The following TGFBRAP1 variants were observed in gnomAD, a reference collection of about 807,000 sequenced individuals.
TGFBRAP1 encodes transforming growth factor-beta receptor-associated protein 1.
Under a neutral mutation model 83.2 loss-of-function variants are expected in TGFBRAP1, and 20 were observed. The observed-to-expected ratio is 0.24, with a 90% CI of 0.17 to 0.35. The LOEUF (loss-of-function observed/expected upper bound fraction) is 0.35, where lower values mean the gene tolerates loss of function less well. Among genes scored for constraint, TGFBRAP1 ranks in the 10% least tolerant of loss-of-function variants. TGFBRAP1 has a pLI of 1.00. For synonymous variants in TGFBRAP1, 415 were observed against 459.8 expected, an observed-to-expected ratio of 0.90 and a Z score of 1.25; for missense variants, 950 against 1,099.4, an observed-to-expected ratio of 0.86 and a Z score of 1.92.
chr2:105,262,784 T>C (rs1311982493), downstream of TGFBRAP1, among the ~76,000 whole-genome samples: 1 of 152,232 alleles, frequency 6.6e-6, no homozygotes, highest in Non-Finnish European at 1.5e-5. Flanking sequence ...GAATGATAGC[T>C]ATTTGTTTCC....
At chr2:105,290,563 A>T (rs1677868257) in intron 4 of TGFBRAP1, among the ~76,000 whole-genome samples, 1 of 151,600 alleles carries the variant, frequency 6.6e-6, no homozygotes, top group African/African-American at 2.4e-5. Context: ...GGATGTGTAT[A>T]TGAGAGAAAG....
intron 10 of TGFBRAP1, 73 bp downstream of exon 10, chr2:105,272,782 C>T (rs947003673): frequency 6.3e-7 from 1 of 1,578,198 alleles, no homozygotes; most frequent in Non-Finnish European, 8.6e-7. Flanking sequence ...TGCCAAAGCC[C>T]TTCTCTCTGC....
chr2:105,295,535 G>A (rs1209757139), intron 4 of TGFBRAP1, among the ~76,000 whole-genome samples: 1 of 151,976 alleles, frequency 6.6e-6, no homozygotes, highest in Admixed American at 6.6e-5. Flanking sequence ...TCTCCTGGCC[G>A]GGCACGGTGG....
rs1309490711 is a variant in TGFBRAP1 at position 105,266,039 on chromosome 2, C to T, written c.*1344G>A. ...GGGTAGACTGCCTTTATTGTTAGCC[C>T]CTAATAGAATCAGTCAGCACAATGA... On this transcript the variant is annotated 3_prime_UTR_variant, in exon 12 of 12. Transcript: ENST00000393359. 1 of 152,186 alleles carries T rather than the reference C, an allele frequency of 6.6e-6. No individual in the cohort carries two copies. Among genetic ancestry groups the T allele is most frequent in the Admixed American group, 6.5e-5 (1 of 15,276 alleles). The allele number at this position is 152,186 out of a possible 1,614,324, so 9.4% of individuals were successfully genotyped here. A position where few individuals can be genotyped will look rare whatever the true frequency, so the allele number is the denominator to read the frequency against.
chr2:105,300,550 C>T (rs1345662194), intron 2 of TGFBRAP1, among the ~76,000 whole-genome samples: 1 of 151,404 alleles, frequency 6.6e-6, no homozygotes, highest in East Asian at 2.0e-4. Context: ...GATTCTCCTG[C>T]CTCAGGCTCC....
At chr2:105,318,619 CAAAT>C (rs577542700) in intron 1 of TGFBRAP1, among the ~76,000 whole-genome samples, 264 of 152,296 alleles carry the variant, frequency 1.7e-3, no homozygotes, top group African/African-American at 6.0e-3. Context: ...ATTTATCAAA[CAAAT>C]AAGTGATTTA....
chr2:105,315,315 A>G (rs1347485490), intron 1 of TGFBRAP1, among the ~76,000 whole-genome samples: 6 of 152,212 alleles, frequency 3.9e-5, no homozygotes, highest in African/African-American at 1.4e-4. Context: ...AGCACAGAAC[A>G]TAGCATAGTC....
intron 11 of TGFBRAP1, among the ~76,000 whole-genome samples, chr2:105,268,435 G>A (rs1281364828): frequency 2.0e-5 from 3 of 152,142 alleles, no homozygotes; most frequent in Non-Finnish European, 2.9e-5. Context: ...GCTTCACCAA[G>A]GGAAAAAAAT....
chr2:105,284,535 T>C (rs1677649483), intron 4 of TGFBRAP1, 137 bp from the exon 5 acceptor site: 1 of 687,402 alleles, frequency 1.5e-6, no homozygotes, highest in South Asian at 1.8e-5. Flanking sequence ...ACAAGGTGCA[T>C]ATGAAATTAT....
chr2:105,324,577 A>G (rs1271093128), intron 1 of TGFBRAP1, among the ~76,000 whole-genome samples: 1 of 152,242 alleles, frequency 6.6e-6, no homozygotes, highest in Non-Finnish European at 1.5e-5. Context: ...GCTTAAAATT[A>G]CAAGCATGAA....
At chr2:105,294,307 G>GGTGGGTGTGT (rs1553404594) in intron 4 of TGFBRAP1, among the ~76,000 whole-genome samples, 2 of 147,894 alleles carry the variant, frequency 1.4e-5, no homozygotes, top group Non-Finnish European at 3.0e-5. Context: ...TAGGAGTGAG[G>GGTGGGTGTGT]GTGTGTGTGT....
At chr2:105,275,323 T>G (rs565364126) in intron 8 of TGFBRAP1, among the ~76,000 whole-genome samples, 19 of 152,330 alleles carry the variant, frequency 1.2e-4, no homozygotes, top group Non-Finnish European at 2.5e-4. Flanking sequence ...TACAAGTGAC[T>G]TGCCCCAGCA....
chr2:105,325,670 T>G (rs1679207125), intron 1 of TGFBRAP1, among the ~76,000 whole-genome samples: 1 of 152,096 alleles, frequency 6.6e-6, no homozygotes, highest in Non-Finnish European at 1.5e-5. Flanking sequence ...TCTATCTGCT[T>G]GCTGAAATTC....
intron 1 of TGFBRAP1, among the ~76,000 whole-genome samples, chr2:105,329,072 C>T (rs955627372): frequency 3.9e-5 from 6 of 152,146 alleles, no homozygotes; most frequent in African/African-American, 1.2e-4. Flanking sequence ...TACTCCCCAA[C>T]ACACCCCTGC....
Position 105,320,491 on chromosome 2 carries a change from C to A in TGFBRAP1, c.-18+9134G>T, listed in dbSNP as rs1464829933. 4.0e-5 allele frequency among the ~76,000 whole-genome samples: 6 copies of A among 151,844 alleles called. No individual in the cohort carries two copies. In the East Asian group the frequency reaches 1.2e-3, roughly 29 times the overall value. ...ACCAAAGCCAGGTCAGATCTGAAGG[C>A]AATGCAGAAAGGAGGCAGGAATGTG... On this transcript the variant is annotated intron_variant, in intron 1 of 11. Transcript: ENST00000393359.
At chr2:105,326,900 T>C (rs532977733) in intron 1 of TGFBRAP1, among the ~76,000 whole-genome samples, 2 of 152,336 alleles carry the variant, frequency 1.3e-5, no homozygotes, top group South Asian at 4.1e-4. Context: ...TAATTCACTT[T>C]TCATGAGGCA....
chr2:105,283,037 T>C (rs1677596487), intron 5 of TGFBRAP1, among the ~76,000 whole-genome samples: 1 of 152,020 alleles, frequency 6.6e-6, no homozygotes, highest in Non-Finnish European at 1.5e-5. Context: ...GATTAACCCA[T>C]AAGAGAAAGA....
rs200479465 is a variant in TGFBRAP1 at position 105,269,679 on chromosome 2, T to A, written c.1999A>T (p.Met667Leu). ...LERLQGAGLP[M>L]ESAILHGKLG... ...TTCCCGTGCAGGATGGCGCTCTCCATGGGCAGGCCAGCTCCCTGCAGCCTC... is the reference window on the plus strand; with the variant it reads ...TTCCCGTGCAGGATGGCGCTCTCCAAGGGCAGGCCAGCTCCCTGCAGCCTC... The change falls in exon 11 of 12, where the codon ATG becomes TTG. Residue 667 changes from methionine (M) to leucine (L), a missense_variant. Coordinates refer to ENST00000393359, the MANE Select transcript of TGFBRAP1 (RefSeq NM_004257.6). This position sits in a 1 kb window ranked among gnomAD's most constrained non-coding sequence, Gnocchi z 4.1. 67 of 1,562,604 alleles carry A rather than the reference T, an allele frequency of 4.3e-5. No homozygotes were observed. The highest frequency in any genetic ancestry group is 3.5e-4 in the Middle Eastern group (2 of 5,690).
chr2:105,329,671 C>T lies in TGFBRAP1; in HGVS notation c.-64G>A, dbSNP rs1031678270. On this transcript the variant is annotated 5_prime_UTR_variant, in exon 1 of 12. Transcript: ENST00000393359. ...CGCGCCGCCCCGCGGCCTGGGGCCC[C>T]GCCGCCCCGCTCCGGCCCGCGGCTC... 1 of 147,090 alleles carries T rather than the reference C, an allele frequency of 6.8e-6. No homozygotes were observed. The highest frequency in any genetic ancestry group is 6.8e-5 in the Admixed American group (1 of 14,730). The allele number at this position is 147,090 out of a possible 1,614,324, so 9.1% of individuals were successfully genotyped here. A position where few individuals can be genotyped will look rare whatever the true frequency, so the allele number is the denominator to read the frequency against.
Sources: gnomAD v4.1 joint callset for allele counts (sites outside exome capture counted in the v4.1 genomes callset) on GRCh38, gnomAD v4.1.1 for gene constraint, Gnocchi (gnomAD v3.1) non-coding constraint, MANE v1.5 for transcripts, NCBI Gene and HGNC (gene_info 2026-07-23, HGNC 2026-07-21) for gene names.